Variants in FHIT observed in about 807,000 individuals in gnomAD.
The protein encoded by FHIT is bis(5'-adenosyl)-triphosphatase.
A neutral mutation model predicts 17.9 loss-of-function variants in FHIT; 19 were observed. The ratio of observed to expected loss-of-function variants is 1.06; its 90% CI spans 0.74 to 1.56. The LOEUF (loss-of-function observed/expected upper bound fraction) is 1.56, where lower values mean the gene tolerates loss of function less well. FHIT is among the 40% of genes most tolerant of loss of function. FHIT has a pLI of 0.00. For missense variants in FHIT, 248 were observed against 189.2 expected (o/e 1.31, Z -1.82); for synonymous variants, 81 against 69.7 (o/e 1.16, Z -0.81).
At chr3:61,016,444 T>C (rs2032110767) in intron 3 of FHIT, among the ~76,000 whole-genome samples, 1 of 152,204 alleles carries the variant, frequency 6.6e-6, no homozygotes, top group Non-Finnish European at 1.5e-5. Flanking sequence ...ATAGGCCTTA[T>C]TTTAAAGACA....
At chr3:60,388,522 G>A (rs1005874738) in intron 5 of FHIT, among the ~76,000 whole-genome samples, 6 of 152,130 alleles carry the variant, frequency 3.9e-5, no homozygotes, top group African/African-American at 1.2e-4. Flanking sequence ...AGGATCATAA[G>A]CCCAGGAGGT....
chr3:59,789,986 C>T (rs1699480395), intron 8 of FHIT, among the ~76,000 whole-genome samples: 1 of 152,192 alleles, frequency 6.6e-6, no homozygotes, highest in Non-Finnish European at 1.5e-5. Context: ...ATTGTAAATG[C>T]CACTTCATCA....
At chr3:60,214,416 T>C (rs1044993755) in intron 5 of FHIT, among the ~76,000 whole-genome samples, 3 of 152,202 alleles carry the variant, frequency 2.0e-5, no homozygotes, top group Non-Finnish European at 4.4e-5. Flanking sequence ...TATTCTATGC[T>C]TGAGTTCTTA....
chr3:60,283,006 G>A (rs1707534758), intron 5 of FHIT, among the ~76,000 whole-genome samples: 1 of 152,080 alleles, frequency 6.6e-6, no homozygotes, highest in African/African-American at 2.4e-5. Flanking sequence ...GAGAGCAGCT[G>A]GCTAGCTGTT....
At chr3:61,052,983 T>A (rs111986496) in intron 2 of FHIT, among the ~76,000 whole-genome samples, 3,207 of 152,312 alleles carry the variant, frequency 0.021, 73 homozygotes, top group African/African-American at 0.05. Flanking sequence ...ATGATACAAC[T>A]GCTGTGGTAT....
chr3:59,885,297 A>ATCTT (rs879462317), intron 8 of FHIT, among the ~76,000 whole-genome samples: 4,395 of 152,280 alleles, frequency 0.029, 79 homozygotes, highest in South Asian at 0.08. Flanking sequence ...ATATTGCTGA[A>ATCTT]GAAACAGGAA....
chr3:60,998,913 AGAT>A (rs61361702), intron 3 of FHIT, among the ~76,000 whole-genome samples: 14,440 of 151,016 alleles, frequency 0.096, 737 homozygotes, highest in Middle Eastern at 0.14. Context: ...AGCAGAGGGC[AGAT>A]GAGTGACTTT....
chr3:60,388,154 C>A (rs1395207890), intron 5 of FHIT, among the ~76,000 whole-genome samples: 1 of 152,164 alleles, frequency 6.6e-6, no homozygotes, highest in African/African-American at 2.4e-5. Flanking sequence ...CTCAGGTATT[C>A]TTTTACAGCA....
chr3:60,559,143 T>C (rs190111328), intron 4 of FHIT, among the ~76,000 whole-genome samples: 2 of 152,184 alleles, frequency 1.3e-5, no homozygotes. Context: ...CATAGATTTG[T>C]GTTAGTAAAT....
intron 8 of FHIT, among the ~76,000 whole-genome samples, chr3:59,857,048 TG>T (rs1702187851): frequency 6.6e-6 from 1 of 152,192 alleles, no homozygotes; most frequent in Non-Finnish European, 1.5e-5. Context: ...TACTGATGCC[TG>T]GGGTCCTTTC....
At chr3:60,664,820 T>C (rs2040345420) in intron 4 of FHIT, among the ~76,000 whole-genome samples, 1 of 151,774 alleles carries the variant, frequency 6.6e-6, no homozygotes, top group Non-Finnish European at 1.5e-5. Context: ...GGATCTGTAT[T>C]TATATTTCCT....
chr3:60,867,705 T>C (rs562210223), intron 3 of FHIT, among the ~76,000 whole-genome samples: 6 of 152,142 alleles, frequency 3.9e-5, no homozygotes, highest in Non-Finnish European at 8.8e-5. Flanking sequence ...AAAAACTATG[T>C]TTAATTCTCC....
chr3:60,637,952 T>C (rs1369193883), intron 4 of FHIT, among the ~76,000 whole-genome samples: 1 of 152,174 alleles, frequency 6.6e-6, no homozygotes, highest in Admixed American at 6.5e-5. Context: ...CAAAACCTAC[T>C]AGAGTAATGT....
chr3:60,079,441 T>C (rs1703179375), intron 5 of FHIT, among the ~76,000 whole-genome samples: 1 of 151,902 alleles, frequency 6.6e-6, no homozygotes, highest in South Asian at 2.1e-4. Flanking sequence ...TTTAAAAAGG[T>C]CTCAGAACAG....
At chr3:60,170,968 G>A (rs1701393703) in intron 5 of FHIT, among the ~76,000 whole-genome samples, 1 of 152,082 alleles carries the variant, frequency 6.6e-6, no homozygotes, top group South Asian at 2.1e-4. Context: ...CAAAAACAAG[G>A]AGCCAACTTA....
intron 4 of FHIT, among the ~76,000 whole-genome samples, chr3:60,555,594 A>G (rs527974996): frequency 6.6e-6 from 1 of 152,240 alleles, no homozygotes; most frequent in South Asian, 2.1e-4. Flanking sequence ...TTTTCTCTTC[A>G]TCGTTTTTTC....
intron 8 of FHIT, among the ~76,000 whole-genome samples, chr3:59,811,809 T>A (rs998795408): frequency 6.6e-6 from 1 of 152,172 alleles, no homozygotes; most frequent in African/African-American, 2.4e-5. Context: ...GATAGCCACA[T>A]TTGGATCTGT....
intron 5 of FHIT, among the ~76,000 whole-genome samples, chr3:60,471,939 G>C (rs1415900729): frequency 6.6e-6 from 1 of 152,078 alleles, no homozygotes; most frequent in East Asian, 1.9e-4. Flanking sequence ...TGACATGAAT[G>C]ATCATATTTT....
At chr3:59,795,781 A>T (rs1309799384) in intron 8 of FHIT, among the ~76,000 whole-genome samples, 1 of 152,200 alleles carries the variant, frequency 6.6e-6, no homozygotes, top group East Asian at 1.9e-4. Flanking sequence ...GGATTAAGGT[A>T]AGAGGTGCCC....
Sources: gnomAD v4.1 joint callset for allele counts (sites outside exome capture counted in the v4.1 genomes callset) on GRCh38, gnomAD v4.1.1 for gene constraint, MANE v1.5 for transcripts, NCBI Gene and HGNC (gene_info 2026-07-23, HGNC 2026-07-21) for gene names.